The following CDH13 variants were observed in gnomAD, a reference collection of about 807,000 sequenced individuals.
The protein encoded by CDH13 is cadherin 13.
A neutral mutation model predicts 63.8 loss-of-function variants in CDH13; 24 were observed. That is an observed-to-expected ratio of 0.38 (90% CI 0.27 to 0.53). The LOEUF is 0.53. CDH13 is among the 20% of genes least tolerant of loss of function. The pLI, the probability that CDH13 is intolerant of heterozygous loss-of-function variation, is 0.85. For synonymous variants in CDH13, 503 were observed against 355.3 expected (o/e 1.42, Z -4.67); for missense variants, 1,049 against 903.1 (o/e 1.16, Z -2.07).
chr16:83,412,009 A>C (rs2092134694), intron 6 of CDH13, among the ~76,000 whole-genome samples: 1 of 152,204 alleles, frequency 6.6e-6, no homozygotes, highest in African/African-American at 2.4e-5. Context: ...TGCTAAGTTT[A>C]GGTTCTCTGT....
chr16:83,235,582 G>GTTTTTTT (rs58891041), intron 5 of CDH13, among the ~76,000 whole-genome samples: 3 of 140,442 alleles, frequency 2.1e-5, no homozygotes, highest in Non-Finnish European at 3.1e-5. Flanking sequence ...ATGTGGTGGT[G>GTTTTTTT]TTTTTTTTTT....
chr16:82,835,261 C>G (rs184875484), intron 1 of CDH13, among the ~76,000 whole-genome samples: 15 of 152,288 alleles, frequency 9.8e-5, no homozygotes, highest in Middle Eastern at 3.4e-3. Flanking sequence ...CACATGTGAC[C>G]GGTGGCTGCC....
intron 1 of CDH13, among the ~76,000 whole-genome samples, chr16:82,766,281 C>T (rs1454129194): frequency 6.6e-6 from 1 of 152,158 alleles, no homozygotes; most frequent in Non-Finnish European, 1.5e-5. Context: ...GAATAATTTG[C>T]AAAACCCGTA....
At chr16:82,718,905 G>T (rs928010169) in intron 1 of CDH13, among the ~76,000 whole-genome samples, 1 of 152,314 alleles carries the variant, frequency 6.6e-6, no homozygotes, top group East Asian at 1.9e-4. Flanking sequence ...AGAGTGAAAG[G>T]AGTTGAGATG....
At chr16:83,223,892 A>G (rs1567519267) in intron 5 of CDH13, among the ~76,000 whole-genome samples, 1 of 152,032 alleles carries the variant, frequency 6.6e-6, no homozygotes, top group East Asian at 1.9e-4. Flanking sequence ...TTGCATGAGT[A>G]AGTTCTTTAG....
At chr16:82,840,917 C>T (rs7196397) in intron 1 of CDH13, among the ~76,000 whole-genome samples, 46,392 of 151,766 alleles carry the variant, frequency 0.31, 7,250 homozygotes, top group South Asian at 0.33. Flanking sequence ...TTGGCAAGGT[C>T]AGAAAGTTAG....
chr16:83,480,152 C>G (rs545515647), intron 6 of CDH13, among the ~76,000 whole-genome samples: 4 of 152,104 alleles, frequency 2.6e-5, no homozygotes, highest in African/African-American at 7.2e-5. Flanking sequence ...TGACAAAACC[C>G]CATCTCTACA....
chr16:82,767,749 C>T (rs977477038), intron 1 of CDH13, among the ~76,000 whole-genome samples: 7 of 152,304 alleles, frequency 4.6e-5, no homozygotes, highest in African/African-American at 1.7e-4. Flanking sequence ...AGCTCTCTCT[C>T]CTTTGGACAC....
intron 1 of CDH13, among the ~76,000 whole-genome samples, chr16:82,793,598 T>C (rs1419130838): frequency 6.6e-6 from 1 of 152,148 alleles, no homozygotes; most frequent in African/African-American, 2.4e-5. Flanking sequence ...CCGCATCATT[T>C]AAAACTCAAA....
chr16:83,506,387 G>C (rs8062929), intron 7 of CDH13, among the ~76,000 whole-genome samples: 2,553 of 152,266 alleles, frequency 0.017, 65 homozygotes, highest in African/African-American at 0.058. Flanking sequence ...ACAGATGAAA[G>C]GGAGGAGAGA....
At chr16:83,288,553 G>T (rs887813778) in intron 5 of CDH13, among the ~76,000 whole-genome samples, 2 of 152,188 alleles carry the variant, frequency 1.3e-5, no homozygotes, top group Non-Finnish European at 2.9e-5. Flanking sequence ...CCCCCAAGCT[G>T]AAGGAGCCAC....
chr16:82,767,743 C>G (rs914652900), intron 1 of CDH13, among the ~76,000 whole-genome samples: 5 of 152,210 alleles, frequency 3.3e-5, no homozygotes, highest in African/African-American at 9.7e-5. Flanking sequence ...TGCCTGAGCT[C>G]TCTCTCCTTT....
At chr16:83,243,332 G>A (rs943688205) in intron 5 of CDH13, among the ~76,000 whole-genome samples, 3 of 152,208 alleles carry the variant, frequency 2.0e-5, no homozygotes, top group Non-Finnish European at 2.9e-5. Context: ...GAAGGTGAGA[G>A]GCACATCTTA....
chr16:82,683,054 A>G (rs16958231), intron 1 of CDH13, among the ~76,000 whole-genome samples: 1 of 152,192 alleles, frequency 6.6e-6, no homozygotes, highest in Non-Finnish European at 1.5e-5. Flanking sequence ...TTCAGTTTCC[A>G]TGGAGCTTAG....
intron 6 of CDH13, among the ~76,000 whole-genome samples, chr16:83,454,424 C>A (rs1368150768): frequency 6.6e-6 from 1 of 152,184 alleles, no homozygotes; most frequent in African/African-American, 2.4e-5. Flanking sequence ...CCTAATTATT[C>A]CCCTCTGACT....
intron 8 of CDH13, among the ~76,000 whole-genome samples, chr16:83,620,426 A>G (rs977367880): frequency 2.0e-5 from 3 of 150,524 alleles, no homozygotes; most frequent in African/African-American, 7.3e-5. Flanking sequence ...AGGGAGGAAC[A>G]TTCCAAGACT....
intron 3 of CDH13, among the ~76,000 whole-genome samples, chr16:83,060,461 C>T (rs747171085): frequency 6.6e-6 from 1 of 152,188 alleles, no homozygotes. Context: ...CTGATGTTTA[C>T]TGAGCCCTTA....
At chr16:82,851,755 T>C (rs1330689452) in intron 1 of CDH13, among the ~76,000 whole-genome samples, 4 of 152,118 alleles carry the variant, frequency 2.6e-5, no homozygotes, top group Non-Finnish European at 5.9e-5. Flanking sequence ...GTAGGCAGTA[T>C]GCCTTTGTAA....
chr16:83,108,641 C>T (rs2034901527), intron 3 of CDH13, among the ~76,000 whole-genome samples: 1 of 152,158 alleles, frequency 6.6e-6, no homozygotes, highest in Non-Finnish European at 1.5e-5. Context: ...TCATCCAGGA[C>T]CAGCAGTCCA....
Sources: allele counts gnomAD v4.1 joint callset (sites outside exome capture counted in the v4.1 genomes callset), GRCh38; gene constraint gnomAD v4.1.1; transcripts MANE v1.5; gene names NCBI Gene and HGNC (gene_info 2026-07-23, HGNC 2026-07-21).